Variants in LRP1B observed in about 807,000 individuals in gnomAD.
The protein encoded by LRP1B is LDL receptor related protein 1B.
Under a neutral mutation model 556.6 loss-of-function variants are expected in LRP1B, and 217 were observed. The ratio of observed to expected loss-of-function variants is 0.39; its 90% CI spans 0.35 to 0.44. The LOEUF (loss-of-function observed/expected upper bound fraction) is 0.44, where lower values mean the gene tolerates loss of function less well. Ranked by LOEUF, LRP1B falls within the 20% of genes least tolerant of loss-of-function variation. LRP1B has a pLI of 1.00. For synonymous variants in LRP1B, 2,047 were observed against 1,865.8 expected, an observed-to-expected ratio of 1.10 and a Z score of -2.50; for missense variants, 5,053 against 5,620.8, an observed-to-expected ratio of 0.90 and a Z score of 3.23.
At chr2:140,467,054 G>A (rs1295845035) in intron 60 of LRP1B, among the ~76,000 whole-genome samples, 1 of 152,012 alleles carries the variant, frequency 6.6e-6, no homozygotes, top group African/African-American at 2.4e-5. Context: ...AGGTATATAT[G>A]CAATGTTATT....
chr2:141,015,345 A>C (rs1195037422), intron 13 of LRP1B, among the ~76,000 whole-genome samples: 3 of 152,144 alleles, frequency 2.0e-5, no homozygotes, highest in African/African-American at 2.4e-5. Flanking sequence ...ACATAATGTT[A>C]AACTTCAGCT....
intron 2 of LRP1B, among the ~76,000 whole-genome samples, chr2:141,636,901 A>G (rs888946204): frequency 1.3e-5 from 2 of 152,160 alleles, no homozygotes; most frequent in African/African-American, 4.8e-5. Flanking sequence ...ATACATATGT[A>G]TATATGTAAA....
intron 1 of LRP1B, among the ~76,000 whole-genome samples, chr2:142,004,615 G>C (rs1044022000): frequency 2.6e-5 from 4 of 152,072 alleles, no homozygotes; most frequent in African/African-American, 9.7e-5. Flanking sequence ...GGAGGCTGAG[G>C]GGGGTGGATC....
At chr2:140,320,048 G>A (rs1680017191) in intron 82 of LRP1B, among the ~76,000 whole-genome samples, 1 of 152,094 alleles carries the variant, frequency 6.6e-6, no homozygotes, top group African/African-American at 2.4e-5. Flanking sequence ...ATACTTCTCA[G>A]ACAGCTTTTC....
intron 23 of LRP1B, among the ~76,000 whole-genome samples, chr2:140,899,374 AATC>A (rs1335477893): frequency 2.6e-5 from 4 of 152,074 alleles, no homozygotes; most frequent in African/African-American, 4.8e-5. Flanking sequence ...TGGTCTTCAA[AATC>A]ATCATTAGTT....
intron 43 of LRP1B, among the ~76,000 whole-genome samples, chr2:140,582,963 G>A (rs1373969652): frequency 3.9e-5 from 6 of 152,038 alleles, no homozygotes; most frequent in Non-Finnish European, 7.4e-5. Context: ...TTTGTGCTCA[G>A]TCCCAGCTCT....
intron 74 of LRP1B, 91 bp downstream of exon 74, chr2:140,357,888 G>A (rs1237290324): frequency 7.0e-7 from 1 of 1,428,526 alleles, no homozygotes; most frequent in Non-Finnish European, 9.6e-7. Flanking sequence ...ACTTTGAAGA[G>A]CAATATTTCC....
intron 41 of LRP1B, among the ~76,000 whole-genome samples, chr2:140,672,482 T>TAAAAAAAAAAAAAAAAAAAAAAAAA (rs55884730): frequency 9.8e-5 from 8 of 81,578 alleles, no homozygotes; most frequent in East Asian, 4.0e-4. Context: ...AGACTCCATC[T>TAAAAAAAAAAAAAAAAAAAAAAAAA]AAAAAAAAAA....
intron 2 of LRP1B, among the ~76,000 whole-genome samples, chr2:141,637,639 A>G (rs190330074): frequency 1.8e-3 from 280 of 152,348 alleles, no homozygotes; most frequent in Non-Finnish European, 9.7e-4. Context: ...GGCAGTATCA[A>G]TGTTTATCTA....
chr2:140,288,800 G>A (rs930935142), intron 84 of LRP1B, among the ~76,000 whole-genome samples: 1 of 151,776 alleles, frequency 6.6e-6, no homozygotes, highest in African/African-American at 2.4e-5. Flanking sequence ...ACTGTTAGCT[G>A]TGAGACATAT....
At chr2:140,788,829 A>G (rs1371230339) in intron 32 of LRP1B, among the ~76,000 whole-genome samples, 1 of 152,198 alleles carries the variant, frequency 6.6e-6, no homozygotes, top group Non-Finnish European at 1.5e-5. Flanking sequence ...CTTAAAAGAG[A>G]TAATTAAGTT....
At chr2:140,360,928 G>A (rs1248564749) in intron 72 of LRP1B, among the ~76,000 whole-genome samples, 1 of 151,308 alleles carries the variant, frequency 6.6e-6, no homozygotes, top group Non-Finnish European at 1.5e-5. Flanking sequence ...CTACTAGAAT[G>A]TCCTATTTTG....
At position 140,884,032 on chromosome 2, in the gene LRP1B, A is replaced by C; in HGVS notation, c.3965-11T>G. On this transcript the variant is annotated splice_polypyrimidine_tract_variant and intron_variant, in intron 24 of 90. Transcript: ENST00000389484. ...CAATGGCACTGACACCTACAAAAGA[A>C]GGAAAACCAACATGTGCACCCATTC... 3 of 1,611,590 alleles carry C rather than the reference A, an allele frequency of 1.9e-6. No homozygotes were observed. The highest frequency in any genetic ancestry group is 2.5e-6 in the Non-Finnish European group (3 of 1,179,378).
At chr2:141,848,073 G>A (rs960917909) in intron 1 of LRP1B, among the ~76,000 whole-genome samples, 5 of 151,420 alleles carry the variant, frequency 3.3e-5, no homozygotes, top group African/African-American at 1.2e-4. Context: ...ATAGAGAGAT[G>A]ATCTACTTCA....
intron 1 of LRP1B, among the ~76,000 whole-genome samples, chr2:141,946,447 G>A (rs563821110): frequency 2.0e-5 from 3 of 152,166 alleles, no homozygotes; most frequent in African/African-American, 7.2e-5. Flanking sequence ...ACGTGAATGA[G>A]ATTAGGTGAA....
chr2:141,916,052 T>G (rs924699402), intron 1 of LRP1B, among the ~76,000 whole-genome samples: 1 of 152,212 alleles, frequency 6.6e-6, no homozygotes, highest in African/African-American at 2.4e-5. Flanking sequence ...AAATACCATT[T>G]GATCCAGCAA....
At position 140,309,174 on chromosome 2, in the gene LRP1B, T is replaced by C. The variant is rs575063555; in HGVS notation, c.12805+5761A>G. 4.6e-5 allele frequency among the ~76,000 whole-genome samples: 7 copies of C among 152,000 alleles called. No homozygotes were observed. The East Asian group carries it at 5.8e-4, about 13-fold the overall frequency. ...ATAATTTTAGCAAGGTGACTATAGC[T>C]GTCAGGTTTTCTTAAGCATAAAAAA... On this transcript the variant is annotated intron_variant, in intron 83 of 90. Coordinates refer to ENST00000389484, the MANE Select transcript of LRP1B (RefSeq NM_018557.3).
chr2:140,744,748 T>G (rs1447818292), intron 35 of LRP1B, among the ~76,000 whole-genome samples: 1 of 152,336 alleles, frequency 6.6e-6, no homozygotes, highest in Non-Finnish European at 1.5e-5. Flanking sequence ...TTCCTGAAAC[T>G]GATTTTCTTC....
At chr2:141,804,600 G>A (rs111931821) in intron 2 of LRP1B, among the ~76,000 whole-genome samples, 3,263 of 152,092 alleles carry the variant, frequency 0.021, 119 homozygotes, top group African/African-American at 0.076. Context: ...CTGACTTTCA[G>A]TTAGGTTTTG....
Sources: gnomAD v4.1 joint callset for allele counts (sites outside exome capture counted in the v4.1 genomes callset) on GRCh38, gnomAD v4.1.1 for gene constraint, MANE v1.5 for transcripts, NCBI Gene and HGNC (gene_info 2026-07-23, HGNC 2026-07-21) for gene names.